The following CUL5 variants were observed in gnomAD, a reference collection of about 807,000 sequenced individuals.
CUL5 encodes cullin 5.
CUL5 carries 26 observed loss-of-function variants against 108.8 expected under a neutral mutation model. The observed-to-expected ratio is 0.24, with a 90% CI of 0.18 to 0.33. The LOEUF (loss-of-function observed/expected upper bound fraction) is 0.33, where lower values mean the gene tolerates loss of function less well. CUL5 is among the 10% of genes least tolerant of loss of function. The pLI is 1.00. For synonymous variants in CUL5, 334 were observed against 298.0 expected (o/e 1.12, Z -1.25); for missense variants, 524 against 909.2 (o/e 0.58, Z 5.45).
chr11:108,023,786 TC>T (rs772981040), intron 1 of CUL5, among the ~76,000 whole-genome samples: 1 of 152,190 alleles, frequency 6.6e-6, no homozygotes, highest in Non-Finnish European at 1.5e-5. Flanking sequence ...TGTTTGGGTT[TC>T]AAAAAATACA....
At chr11:108,102,109 C>T (rs1864687493) in intron 18 of CUL5, among the ~76,000 whole-genome samples, 3 of 152,186 alleles carry the variant, frequency 2.0e-5, no homozygotes, top group South Asian at 4.2e-4. Context: ...ACAACCTCCA[C>T]CTCCCAGGTT....
rs370566362 is a variant in CUL5, at chr11:108,033,891, G to A, written c.114G>A (p.Gln38=). 1.7e-4 allele frequency: 268 copies of A among 1,610,790 alleles called. 3 individuals carry two copies. Among genetic ancestry groups the A allele is most frequent in the Non-Finnish European group, 2.1e-4 (248 of 1,177,956 alleles). ...KLLRQESVTK[Q]QWFDLFSDVH... ...TACGCCAGGAATCTGTTACAAAACAGCAGTGGTTTGATCTGTTTTCGTAAG... is the reference window on the plus strand; with the variant it reads ...TACGCCAGGAATCTGTTACAAAACAACAGTGGTTTGATCTGTTTTCGTAAG... The change falls in exon 2 of 19, where the codon CAG becomes CAA. Residue 38 remains glutamine (Q), a synonymous_variant. Coordinates refer to ENST00000393094, the MANE Select transcript of CUL5 (RefSeq NM_003478.6).
intron 18 of CUL5, among the ~76,000 whole-genome samples, chr11:108,103,495 T>C (rs1864720822): frequency 6.6e-6 from 1 of 152,126 alleles, no homozygotes; most frequent in Non-Finnish European, 1.5e-5. Context: ...TTAATTAATC[T>C]GGTAAATATA....
At chr11:108,050,588 G>A (rs951525830) in intron 4 of CUL5, among the ~76,000 whole-genome samples, 6 of 152,034 alleles carry the variant, frequency 3.9e-5, no homozygotes, top group Non-Finnish European at 8.8e-5. Context: ...GGCTCGTCTC[G>A]AACTCCTGAC....
chr11:108,054,249 A>G (rs1480655294), intron 5 of CUL5, among the ~76,000 whole-genome samples: 3 of 152,192 alleles, frequency 2.0e-5, no homozygotes, highest in Non-Finnish European at 4.4e-5. Flanking sequence ...CTTGCAATCC[A>G]CTTAGACAAC....
intron 11 of CUL5, among the ~76,000 whole-genome samples, chr11:108,079,075 C>G (rs1864006193): frequency 6.6e-6 from 1 of 152,002 alleles, no homozygotes; most frequent in Non-Finnish European, 1.5e-5. Context: ...CTCTTTCACC[C>G]TAGCATTTTT....
At chr11:108,046,020 T>A (rs948052247) in intron 2 of CUL5, among the ~76,000 whole-genome samples, 1 of 152,192 alleles carries the variant, frequency 6.6e-6, no homozygotes, top group Non-Finnish European at 1.5e-5. Flanking sequence ...GGAGACATGC[T>A]TTCATAACTA....
In CUL5 at chr11:108,038,638, C is replaced by G. The variant is rs184492534; in HGVS notation, c.134+4727C>G. On this transcript the variant is annotated intron_variant, in intron 2 of 18. Coordinates refer to ENST00000393094, the MANE Select transcript of CUL5 (RefSeq NM_003478.6). The stretch of plus-strand genomic sequence containing the variant: ...TGCAGTGAGCCAAGATTGCACCATT[C>G]CACTCCAGCCTGGGAAACAAGAGCA... Among the ~76,000 whole-genome samples the G allele has an allele frequency of 2.3e-3, 354 of 151,216 alleles. 4 individuals are homozygous for G. Among genetic ancestry groups the G allele is most frequent in the African/African-American group, 7.5e-3 (309 of 41,126 alleles).
intron 1 of CUL5, among the ~76,000 whole-genome samples, chr11:108,020,958 A>G (rs1355352851): frequency 1.3e-5 from 2 of 152,000 alleles, no homozygotes; most frequent in East Asian, 1.9e-4. Context: ...TAGGTCTACC[A>G]TTTTTTATCT....
At chr11:108,012,288 C>A (rs781006058) in intron 1 of CUL5, among the ~76,000 whole-genome samples, 9 of 152,080 alleles carry the variant, frequency 5.9e-5, no homozygotes, top group Non-Finnish European at 1.2e-4. Flanking sequence ...ATTGTTCCAC[C>A]CCAAACAGCA....
At chr11:108,075,993 A>G (rs1264070812) in intron 10 of CUL5, among the ~76,000 whole-genome samples, 1 of 152,054 alleles carries the variant, frequency 6.6e-6, no homozygotes, top group Non-Finnish European at 1.5e-5. Context: ...CTTAGCATGA[A>G]TCCAATATAC....
intron 2 of CUL5, among the ~76,000 whole-genome samples, chr11:108,044,655 A>C (rs1290241781): frequency 6.6e-6 from 1 of 152,042 alleles, no homozygotes; most frequent in Non-Finnish European, 1.5e-5. Flanking sequence ...TTTTGAATGA[A>C]TGATTCTTCA....
intron 7 of CUL5, 49 bp from the exon 8 acceptor site, chr11:108,070,047 T>A (rs909021166): frequency 8.8e-7 from 1 of 1,138,108 alleles, no homozygotes; most frequent in Non-Finnish European, 1.3e-6. Flanking sequence ...AGAATAGATT[T>A]GTGCTATACA....
chr11:108,097,763 G>A lies in CUL5; in HGVS notation c.2024+9G>A, dbSNP rs752740266. On this transcript the variant is annotated intron_variant, in intron 17 of 18. Transcript: ENST00000393094. The stretch of plus-strand genomic sequence containing the variant: ...CAGGAGTTCAGTTTAATGTAAGCTC[G>A]TTAGTTGATCTAAAATAAAAACACC... 1.3e-5 allele frequency: 19 copies of A among 1,436,824 alleles called. No homozygotes were observed. The highest frequency in any genetic ancestry group is 1.3e-5 in the Non-Finnish European group (13 of 1,031,612). The allele number at this position is 1,436,824 out of a possible 1,614,324, so 89.0% of individuals were successfully genotyped here.
At chr11:108,096,403 G>A (rs924589053) in intron 16 of CUL5, among the ~76,000 whole-genome samples, 2 of 150,636 alleles carry the variant, frequency 1.3e-5, no homozygotes, top group African/African-American at 2.4e-5. Context: ...GAGGTGGGAA[G>A]ATTGCTTGAG....
In CUL5 at chr11:108,009,242, G is replaced by A; in HGVS notation, c.-107G>A. 3.2e-6 allele frequency: 4 copies of A among 1,236,266 alleles called. No homozygotes were observed. Among genetic ancestry groups the A allele is most frequent in the Non-Finnish European group, 4.7e-6 (4 of 855,942 alleles). 76.6% of individuals were successfully genotyped at this position (1,236,266 alleles called of 1,614,324 possible). On this transcript the variant is annotated 5_prime_UTR_variant, in exon 1 of 19. Transcript: ENST00000393094. ...TCCAGCGCCCACCACACCCTGGTGC[G>A]GGCCGACGGGCCCTGGGCCCTGGTG...
chr11:108,080,902 T>G (rs1864062438), intron 11 of CUL5, among the ~76,000 whole-genome samples: 1 of 152,130 alleles, frequency 6.6e-6, no homozygotes, highest in South Asian at 2.1e-4. Context: ...TTTTTTCTTT[T>G]GTTGCTTTTG....
chr11:108,064,541 C>T (rs1362390518), intron 7 of CUL5, among the ~76,000 whole-genome samples: 1 of 151,982 alleles, frequency 6.6e-6, no homozygotes, highest in Non-Finnish European at 1.5e-5. Flanking sequence ...AACCCCATCT[C>T]TACTAAAAAA....
chr11:108,054,162 C>A (rs1311891748), intron 5 of CUL5, among the ~76,000 whole-genome samples: 1 of 152,132 alleles, frequency 6.6e-6, no homozygotes, highest in South Asian at 2.1e-4. Context: ...TTTCTGTAGA[C>A]ACATGATTTT....
Sources: allele counts gnomAD v4.1 joint callset (sites outside exome capture counted in the v4.1 genomes callset), GRCh38; gene constraint gnomAD v4.1.1; transcripts MANE v1.5; gene names NCBI Gene and HGNC (gene_info 2026-07-23, HGNC 2026-07-21).